VEGFC: variants seen among roughly 807,000 people sequenced by gnomAD.
VEGFC encodes FLT4 ligand DHM.
Under a neutral mutation model 46.1 loss-of-function variants are expected in VEGFC, and 12 were observed. The ratio of observed to expected loss-of-function variants is 0.26; its 90% CI spans 0.17 to 0.42. VEGFC has a LOEUF of 0.42. Ranked by LOEUF, VEGFC falls within the 10% of genes least tolerant of loss-of-function variation. The pLI is 1.00. For synonymous variants in VEGFC, 232 were observed against 195.5 expected (o/e 1.19, Z -1.56); for missense variants, 488 against 529.4 (o/e 0.92, Z 0.77).
chr4:176,741,830 A>T (rs1735180915), intron 1 of VEGFC, among the ~76,000 whole-genome samples: 1 of 152,010 alleles, frequency 6.6e-6, no homozygotes, highest in African/African-American at 2.4e-5. Context: ...TAAATGATAC[A>T]TTATTAAAGT....
intron 1 of VEGFC, among the ~76,000 whole-genome samples, chr4:176,785,498 AG>A (rs1386025643): frequency 6.6e-6 from 1 of 152,196 alleles, no homozygotes. Flanking sequence ...ACCTTTTATA[AG>A]AACAGCCAAA....
intron 3 of VEGFC, among the ~76,000 whole-genome samples, chr4:176,722,422 A>G (rs1560945730): frequency 6.6e-6 from 1 of 151,740 alleles, no homozygotes; most frequent in Non-Finnish European, 1.5e-5. Context: ...TATTTCACCT[A>G]TATGCAGCTT....
chr4:176,741,518 A>G (rs1735174660), intron 1 of VEGFC, among the ~76,000 whole-genome samples: 1 of 151,914 alleles, frequency 6.6e-6, no homozygotes, highest in African/African-American at 2.4e-5. Flanking sequence ...TTTGTATGTG[A>G]TGTCTCAGAC....
chr4:176,702,005 G>A (rs1466788341), intron 4 of VEGFC, among the ~76,000 whole-genome samples: 1 of 152,076 alleles, frequency 6.6e-6, no homozygotes, highest in Non-Finnish European at 1.5e-5. Context: ...AAAGAGTGAA[G>A]CATTATGGCT....
At chr4:176,784,059 T>C (rs1735957260) in intron 1 of VEGFC, among the ~76,000 whole-genome samples, 1 of 72,710 alleles carries the variant, frequency 1.4e-5, no homozygotes, top group Non-Finnish European at 3.4e-5. Context: ...TGTATGCACA[T>C]GCTGTTTTTT....
chr4:176,721,979 A>G (rs1021105048), intron 3 of VEGFC, among the ~76,000 whole-genome samples: 1 of 152,220 alleles, frequency 6.6e-6, no homozygotes, highest in African/African-American at 2.4e-5. Context: ...GATGAACTAC[A>G]AATTTTTAAT....
At chr4:176,783,697 C>T (rs1365655388) in intron 1 of VEGFC, among the ~76,000 whole-genome samples, 1 of 152,238 alleles carries the variant, frequency 6.6e-6, no homozygotes, top group East Asian at 1.9e-4. Flanking sequence ...GAGGAACAAA[C>T]CCCGGCACCC....
intron 3 of VEGFC, among the ~76,000 whole-genome samples, chr4:176,716,884 C>CA (rs2111004754): frequency 1.3e-5 from 2 of 149,540 alleles, no homozygotes; most frequent in South Asian, 2.1e-4. Context: ...ATACTATTGT[C>CA]AGACTATTTT....
chr4:176,780,938 C>A (rs1314750624), intron 1 of VEGFC, among the ~76,000 whole-genome samples: 2 of 152,154 alleles, frequency 1.3e-5, no homozygotes, highest in Non-Finnish European at 2.9e-5. Context: ...AATAAAATAA[C>A]TACACTGTGC....
At position 176,768,422 on chromosome 4, in the gene VEGFC, C is replaced by T. The variant is rs927383147; in HGVS notation, c.147+23743G>A. ...AACCACCACTGAGGTAAAATGAGTG[C>T]ATTGAAGACAAAGCTGAAAAATAAT... On this transcript the variant is annotated intron_variant, in intron 1 of 6. Coordinates refer to ENST00000618562, the MANE Select transcript of VEGFC (RefSeq NM_005429.5). Among the ~76,000 whole-genome samples, 9 of 146,524 alleles carry T rather than the reference C, an allele frequency of 6.1e-5. No homozygotes were observed. In the East Asian group the frequency reaches 1.7e-3, roughly 27 times the overall value.
intron 1 of VEGFC, among the ~76,000 whole-genome samples, chr4:176,784,594 A>T (rs896600615): frequency 8.0e-5 from 12 of 149,458 alleles, no homozygotes; most frequent in African/African-American, 2.0e-4. Context: ...AAAAAAATAT[A>T]AAAAAAAAAT....
intron 3 of VEGFC, among the ~76,000 whole-genome samples, chr4:176,712,343 T>C (rs1277706909): frequency 6.6e-6 from 1 of 152,154 alleles, no homozygotes; most frequent in African/African-American, 2.4e-5. Flanking sequence ...TGAATTACAG[T>C]CAAAATTTAG....
chr4:176,775,001 G>C (rs1735792126), intron 1 of VEGFC, among the ~76,000 whole-genome samples: 1 of 152,184 alleles, frequency 6.6e-6, no homozygotes, highest in African/African-American at 2.4e-5. Flanking sequence ...TATGGTCAAA[G>C]TGCCTTGAGC....
chr4:176,716,557 T>A (rs190183157), intron 3 of VEGFC, among the ~76,000 whole-genome samples: 139 of 120,820 alleles, frequency 1.2e-3, no homozygotes, highest in African/African-American at 4.4e-3. Context: ...CACTCCAGCC[T>A]GGCCAACAGA....
intron 1 of VEGFC, among the ~76,000 whole-genome samples, chr4:176,771,442 T>C (rs2110927595): frequency 1.3e-5 from 2 of 152,316 alleles, no homozygotes; most frequent in Middle Eastern, 3.4e-3. Flanking sequence ...ACATATATGA[T>C]TATGAATTTG....
intron 1 of VEGFC, among the ~76,000 whole-genome samples, chr4:176,791,821 C>T (rs3755972): frequency 0.71 from 107,599 of 151,968 alleles, 44,097 homozygotes; most frequent in East Asian, 0.99. Context: ...ACGAGCATTT[C>T]CCGACCAAAA....
intron 4 of VEGFC, among the ~76,000 whole-genome samples, chr4:176,692,262 C>T (rs1170667796): frequency 2.2e-5 from 3 of 137,660 alleles, no homozygotes; most frequent in East Asian, 2.0e-4. Context: ...GGCGTAGTGG[C>T]GGGCGCCTGT....
intron 1 of VEGFC, among the ~76,000 whole-genome samples, chr4:176,789,059 C>T (rs1272145914): frequency 6.6e-6 from 1 of 152,196 alleles, no homozygotes; most frequent in African/African-American, 2.4e-5. Flanking sequence ...AGCAGGCAAG[C>T]ACAGTCCCAG....
chr4:176,687,945 G>T lies in VEGFC; in HGVS notation c.705-18C>A. The T allele has an allele frequency of 1.3e-6, 2 of 1,537,124 alleles. No homozygotes were observed. Among genetic ancestry groups the T allele is most frequent in the Non-Finnish European group, 1.8e-6 (2 of 1,113,944 alleles). On this transcript the variant is annotated intron_variant, in intron 4 of 6. Coordinates refer to ENST00000618562, the MANE Select transcript of VEGFC (RefSeq NM_005429.5). The stretch of plus-strand genomic sequence containing the variant: ...CCTGACACCTTTGGAAGAAACAGAC[G>T]AGGTTTAGCAATGGTGTAACTGGTA...
Sources: gnomAD v4.1 joint callset for allele counts (sites outside exome capture counted in the v4.1 genomes callset) on GRCh38, gnomAD v4.1.1 for gene constraint, MANE v1.5 for transcripts, NCBI Gene and HGNC (gene_info 2026-07-23, HGNC 2026-07-21) for gene names.